ASIC2: variants seen among roughly 807,000 people sequenced by gnomAD.
ASIC2 encodes the protein acid-sensing ion channel 2.
Under a neutral mutation model 57.3 loss-of-function variants are expected in ASIC2, and 25 were observed. The observed-to-expected ratio is 0.44, with a 90% CI of 0.32 to 0.61. ASIC2 has a LOEUF of 0.61. ASIC2 is among the 20% of genes least tolerant of loss of function. The pLI is 0.06. For synonymous variants in ASIC2, 319 were observed against 307.5 expected, an observed-to-expected ratio of 1.04 and a Z score of -0.39; for missense variants, 641 against 738.1, an observed-to-expected ratio of 0.87 and a Z score of 1.52.
intron 2 of ASIC2, among the ~76,000 whole-genome samples, chr17:33,109,893 G>A (rs1461925189): frequency 6.6e-6 from 1 of 152,172 alleles, no homozygotes; most frequent in Non-Finnish European, 1.5e-5. Context: ...GTTCTTTCCT[G>A]CTCTGACCAT....
intron 1 of ASIC2, among the ~76,000 whole-genome samples, chr17:33,367,365 G>T (rs1421258328): frequency 2.0e-5 from 3 of 151,926 alleles, no homozygotes; most frequent in African/African-American, 4.8e-5. Context: ...AGTGCTGGTG[G>T]CACTAACCCT....
chr17:34,060,304 A>G (rs531259255), intron 1 of ASIC2, among the ~76,000 whole-genome samples: 2 of 152,218 alleles, frequency 1.3e-5, no homozygotes, highest in Non-Finnish European at 2.9e-5. Flanking sequence ...GAAGCGTACT[A>G]TATCAAGGGA....
intron 1 of ASIC2, among the ~76,000 whole-genome samples, chr17:34,034,585 G>A (rs371400925): frequency 3.9e-5 from 6 of 152,166 alleles, no homozygotes; most frequent in Non-Finnish European, 8.8e-5. Flanking sequence ...CCTGTTTGCA[G>A]ATGACATGAT....
rs372744384 is a variant in ASIC2 at position 33,751,726 on chromosome 17, C to G, written c.555+404252G>C. On this transcript the variant is annotated intron_variant, in intron 1 of 9. Transcript: ENST00000359872. The stretch of plus-strand genomic sequence containing the variant: ...CCCGATTTCATTTAATTCTAGTTTC[C>G]CCTGCTCCCTGCATAGAATGACTTA... Among the ~76,000 whole-genome samples, 8 of 151,996 alleles carry G rather than the reference C, an allele frequency of 5.3e-5. No homozygotes were observed. In the East Asian group the frequency reaches 1.5e-3, roughly 29 times the overall value.
intron 1 of ASIC2, among the ~76,000 whole-genome samples, chr17:33,480,584 C>T (rs1388076933): frequency 6.6e-6 from 1 of 152,138 alleles, no homozygotes; most frequent in Non-Finnish European, 1.5e-5. Flanking sequence ...GTCATATCTC[C>T]AAGACCAGGA....
At chr17:33,966,514 T>C (rs1567771918) in intron 1 of ASIC2, among the ~76,000 whole-genome samples, 2 of 152,208 alleles carry the variant, frequency 1.3e-5, no homozygotes, top group Non-Finnish European at 2.9e-5. Flanking sequence ...GGTAACATCA[T>C]AGAATGTAAC....
At chr17:33,101,115 A>G (rs892762252) in intron 2 of ASIC2, among the ~76,000 whole-genome samples, 3 of 152,112 alleles carry the variant, frequency 2.0e-5, no homozygotes, top group Non-Finnish European at 4.4e-5. Flanking sequence ...GACACTCGGA[A>G]CTCAGGCCAG....
At chr17:33,584,407 A>T (rs904004509) in intron 1 of ASIC2, among the ~76,000 whole-genome samples, 2 of 152,200 alleles carry the variant, frequency 1.3e-5, no homozygotes, top group Non-Finnish European at 2.9e-5. Context: ...AGTTTACCCC[A>T]GGACTGAGTT....
chr17:33,659,829 G>A (rs1445906168), intron 1 of ASIC2, among the ~76,000 whole-genome samples: 8 of 151,596 alleles, frequency 5.3e-5, no homozygotes, highest in Admixed American at 1.3e-4. Context: ...CCGAGATCGC[G>A]CCACTGCACT....
chr17:33,078,295 C>G (rs1352692992), intron 3 of ASIC2, among the ~76,000 whole-genome samples: 1 of 152,166 alleles, frequency 6.6e-6, no homozygotes, highest in Admixed American at 6.5e-5. Flanking sequence ...TGGGCACCAC[C>G]AAGGGTCTGC....
At position 33,015,029 on chromosome 17, in the gene ASIC2, C is replaced by T. The variant is rs111691747; in HGVS notation, c.1590+942G>A. 8.0e-3 allele frequency among the ~76,000 whole-genome samples: 1,216 copies of T among 152,308 alleles called. 17 individuals carry two copies. The highest frequency in any genetic ancestry group is 0.028 in the African/African-American group (1,172 of 41,556). ...GCCAGCTGATGCCAGACCGTGGGCC[C>T]CTTCCACACTGCCCTCCCCTTCCCC... On this transcript the variant is annotated intron_variant, in intron 9 of 9. Coordinates refer to ENST00000225823, the MANE Select transcript of ASIC2 (RefSeq NM_183377.2).
chr17:33,262,685 T>C (rs993677585), intron 1 of ASIC2, among the ~76,000 whole-genome samples: 1 of 152,196 alleles, frequency 6.6e-6, no homozygotes, highest in African/African-American at 2.4e-5. Flanking sequence ...TAAACCTTGT[T>C]GAGTGTGACA....
chr17:33,708,781 T>C (rs1394146865), intron 1 of ASIC2, among the ~76,000 whole-genome samples: 2 of 152,182 alleles, frequency 1.3e-5, no homozygotes, highest in African/African-American at 2.4e-5. Context: ...ATCTTGGTCA[T>C]AGAGACTCCT....
intron 1 of ASIC2, among the ~76,000 whole-genome samples, chr17:33,790,367 T>C (rs1016260472): frequency 2.6e-5 from 4 of 152,202 alleles, no homozygotes; most frequent in African/African-American, 9.7e-5. Flanking sequence ...TGTTTTCCTA[T>C]GAAGAAGCAA....
rs149614467 is a variant in ASIC2, at chr17:33,087,396, C to T, written c.987+1467G>A. Among the ~76,000 whole-genome samples, 180 of 152,196 alleles carry T rather than the reference C, an allele frequency of 1.2e-3. 1 individual carries two copies. The highest frequency in any genetic ancestry group is 4.3e-3 in the African/African-American group (179 of 41,514). ...TAGAGGCCAGGCTAACCTTCCAGCA[C>T]CTCCTGCTCCTGCATCAAAGCTGCA... On this transcript the variant is annotated intron_variant, in intron 3 of 9. Coordinates refer to ENST00000225823, the MANE Select transcript of ASIC2 (RefSeq NM_183377.2).
chr17:34,097,769 C>A (rs1330399857), intron 1 of ASIC2, among the ~76,000 whole-genome samples: 1 of 152,104 alleles, frequency 6.6e-6, no homozygotes, highest in Non-Finnish European at 1.5e-5. Context: ...TTTATTATGG[C>A]AGCCCTAAGA....
chr17:33,431,793 A>T (rs1911430066), intron 1 of ASIC2, among the ~76,000 whole-genome samples: 1 of 152,164 alleles, frequency 6.6e-6, no homozygotes, highest in African/African-American at 2.4e-5. Flanking sequence ...GGCAAAACCC[A>T]CACAAAATCA....
intron 1 of ASIC2, among the ~76,000 whole-genome samples, chr17:33,801,626 G>A (rs573858046): frequency 6.6e-6 from 1 of 152,270 alleles, no homozygotes; most frequent in Admixed American, 6.5e-5. Flanking sequence ...AAGGATGAAA[G>A]GAAATAATAC....
At chr17:33,839,178 G>A (rs1913354585) in intron 1 of ASIC2, among the ~76,000 whole-genome samples, 1 of 152,146 alleles carries the variant, frequency 6.6e-6, no homozygotes, top group Non-Finnish European at 1.5e-5. Flanking sequence ...TCAGATTCTG[G>A]GGAGCATCTA....
Sources: allele counts gnomAD v4.1 joint callset (sites outside exome capture counted in the v4.1 genomes callset), GRCh38; gene constraint gnomAD v4.1.1; transcripts MANE v1.5; gene names NCBI Gene and HGNC (gene_info 2026-07-23, HGNC 2026-07-21).